Variants in TNIK observed in about 807,000 individuals in gnomAD.
TNIK encodes TRAF2 and NCK-interacting protein kinase.
Under a neutral mutation model 191.3 loss-of-function variants are expected in TNIK, and 49 were observed. The observed-to-expected ratio is 0.26, with a 90% CI of 0.20 to 0.32. TNIK has a LOEUF of 0.32. Ranked by LOEUF, TNIK falls within the 10% of genes least tolerant of loss-of-function variation. The probability of loss-of-function intolerance (pLI) is 1.00; values close to 1 mark genes in which losing one functional copy is unlikely to be tolerated. For missense variants in TNIK, 1,155 were observed against 1,702.3 expected (o/e 0.68, Z 5.66); for synonymous variants, 594 against 600.9 (o/e 0.99, Z 0.17).
At chr3:171,237,322 T>G (rs1744394157) in intron 2 of TNIK, among the ~76,000 whole-genome samples, 2 of 151,998 alleles carry the variant, frequency 1.3e-5, no homozygotes, top group East Asian at 3.9e-4. Flanking sequence ...GCCCACCAAA[T>G]CTAAAGTAAT....
intron 2 of TNIK, among the ~76,000 whole-genome samples, chr3:171,356,028 T>G (rs1413685473): frequency 6.6e-6 from 1 of 152,038 alleles, no homozygotes; most frequent in Non-Finnish European, 1.5e-5. Context: ...AAAGTACAAA[T>G]TATACACCTG....
At chr3:171,203,499 TG>T (rs1739672760) in intron 4 of TNIK, among the ~76,000 whole-genome samples, 1 of 152,232 alleles carries the variant, frequency 6.6e-6, no homozygotes, top group Admixed American at 6.5e-5. Flanking sequence ...TGCTACTATT[TG>T]AAATTTCAGG....
intron 1 of TNIK, among the ~76,000 whole-genome samples, chr3:171,397,182 A>G (rs1414695864): frequency 6.6e-6 from 1 of 152,172 alleles, no homozygotes. Flanking sequence ...GCCAGTCTCT[A>G]AAGCCTTTGA....
chr3:171,108,762 G>T (rs1048952142), intron 19 of TNIK, among the ~76,000 whole-genome samples: 6 of 152,146 alleles, frequency 3.9e-5, no homozygotes, highest in African/African-American at 1.4e-4. Flanking sequence ...GATGGGAGTG[G>T]TCTCAGCCCT....
chr3:171,378,750 C>T lies in TNIK; in HGVS notation c.58-9065G>A, dbSNP rs140872499. On this transcript the variant is annotated intron_variant, in intron 1 of 32. Transcript: ENST00000436636. ...AGATCATATCAATAAAATATCTCTACCCATTTTACAGAAGAGCAAAGAGAG... is the reference window on the plus strand; with the variant it reads ...AGATCATATCAATAAAATATCTCTATCCATTTTACAGAAGAGCAAAGAGAG... Among the ~76,000 whole-genome samples the T allele has an allele frequency of 6.4e-3, 980 of 152,246 alleles. 12 individuals carry two copies. Among genetic ancestry groups the T allele is most frequent in the African/African-American group, 0.021 (852 of 41,542 alleles).
Position 171,105,620 on chromosome 3 carries a change from C to T in TNIK, c.2406+1563G>A, listed in dbSNP as rs753723081. On this transcript the variant is annotated intron_variant, in intron 21 of 32. Transcript: ENST00000436636. ...ACACCCCCTCAATTATTTGTAATTA[C>T]GTATACCTCCATTGCCCCCTCTCAT... Among the ~76,000 whole-genome samples, 183 of 152,220 alleles carry T rather than the reference C, an allele frequency of 1.2e-3. 2 individuals are homozygous for T. The highest frequency in any genetic ancestry group is 1.9e-3 in the Non-Finnish European group (128 of 68,014).
intron 1 of TNIK, among the ~76,000 whole-genome samples, chr3:171,370,018 A>T (rs1716278895): frequency 6.6e-6 from 1 of 152,232 alleles, no homozygotes; most frequent in African/African-American, 2.4e-5. Context: ...CTACAGCAAG[A>T]TAAAGTGAAA....
At chr3:171,106,242 C>G (rs1286511235) in intron 21 of TNIK, among the ~76,000 whole-genome samples, 1 of 152,192 alleles carries the variant, frequency 6.6e-6, no homozygotes, top group African/African-American at 2.4e-5. Context: ...AATGCTTTCA[C>G]ACACATTACC....
rs534603311 is a variant in TNIK, at chr3:171,126,806, C to T, written c.1774-655G>A. ...ATGCTGTCGTATTATCTCTTGACACCAGGATGTAACTTTTTGAGTTAAGTA... is the reference window on the plus strand; with the variant it reads ...ATGCTGTCGTATTATCTCTTGACACTAGGATGTAACTTTTTGAGTTAAGTA... On this transcript the variant is annotated intron_variant, in intron 16 of 32. Coordinates refer to ENST00000436636, the MANE Select transcript of TNIK (RefSeq NM_015028.4). Among the ~76,000 whole-genome samples, 14 of 152,308 alleles carry T rather than the reference C, an allele frequency of 9.2e-5. No homozygotes were observed. In the South Asian group the frequency reaches 2.5e-3, roughly 27 times the overall value.
chr3:171,442,326 G>A (rs1308308357), intron 1 of TNIK, among the ~76,000 whole-genome samples: 2 of 152,088 alleles, frequency 1.3e-5, no homozygotes, highest in Non-Finnish European at 2.9e-5. Flanking sequence ...GCCTCAAAGG[G>A]ACAGAGAACT....
chr3:171,232,900 G>GA (rs1743834352), intron 2 of TNIK, among the ~76,000 whole-genome samples: 1 of 152,180 alleles, frequency 6.6e-6, no homozygotes, highest in Non-Finnish European at 1.5e-5. Context: ...GAATGCAAGA[G>GA]AAAACAACAG....
At position 171,177,318 on chromosome 3, in the gene TNIK, G is replaced by C. The variant is rs1736090896; in HGVS notation, c.694+8C>G. On this transcript the variant is annotated splice_region_variant and intron_variant, in intron 8 of 32. Transcript: ENST00000436636. ...GCAACAGATTTCACCCCAGAGGAGG[G>C]TACTTACGGGGAGCACCTTCTGCCA... is the stretch of plus-strand genomic sequence containing the variant. The C allele has an allele frequency of 1.2e-6, 2 of 1,605,304 alleles. No individual in the cohort carries two copies. The highest frequency in any genetic ancestry group is 1.7e-6 in the Non-Finnish European group (2 of 1,175,928).
chr3:171,198,682 T>C (rs535999733), intron 4 of TNIK, among the ~76,000 whole-genome samples: 21 of 152,274 alleles, frequency 1.4e-4, no homozygotes, highest in African/African-American at 4.6e-4. Flanking sequence ...TTTGGGTGCA[T>C]AGGTGTTCAT....
At chr3:171,143,071 A>C (rs1731069294) in intron 12 of TNIK, among the ~76,000 whole-genome samples, 1 of 152,156 alleles carries the variant, frequency 6.6e-6, no homozygotes, top group South Asian at 2.1e-4. Context: ...AGTACTCTGT[A>C]GTTTCTGAGA....
chr3:171,320,998 C>T (rs750217607), intron 2 of TNIK, among the ~76,000 whole-genome samples: 3 of 152,130 alleles, frequency 2.0e-5, no homozygotes, highest in Admixed American at 6.6e-5. Context: ...AGCAGGGTGT[C>T]GGGTGGAAGA....
chr3:171,339,272 GCTCTA>G (rs1757282720), intron 2 of TNIK, among the ~76,000 whole-genome samples: 2 of 152,182 alleles, frequency 1.3e-5, no homozygotes, highest in South Asian at 4.1e-4. Context: ...GCACTTGTAG[GCTCTA>G]CTCTGAGACT....
chr3:171,310,825 C>T (rs1417702058), intron 2 of TNIK, among the ~76,000 whole-genome samples: 1 of 152,070 alleles, frequency 6.6e-6, no homozygotes, highest in African/African-American at 2.4e-5. Flanking sequence ...AAAAAACAAA[C>T]AAACAAACAA....
Position 171,139,017 on chromosome 3 carries a change from C to T in TNIK, c.1419+453G>A, listed in dbSNP as rs114577675. On this transcript the variant is annotated intron_variant, in intron 14 of 32. Coordinates refer to ENST00000436636, the MANE Select transcript of TNIK (RefSeq NM_015028.4). ...AGCAAGGGACACAAAATGTTCCCATCGTAAGGGTAAAGCTAATAGTCTGTA... is the reference window on the plus strand; with the variant it reads ...AGCAAGGGACACAAAATGTTCCCATTGTAAGGGTAAAGCTAATAGTCTGTA... Among the ~76,000 whole-genome samples the T allele has an allele frequency of 5.4e-3, 815 of 152,204 alleles. 9 individuals carry two copies. The highest frequency in any genetic ancestry group is 0.019 in the African/African-American group (786 of 41,534).
chr3:171,379,094 AT>A (rs1404534442), intron 1 of TNIK, among the ~76,000 whole-genome samples: 1 of 152,210 alleles, frequency 6.6e-6, no homozygotes, highest in Non-Finnish European at 1.5e-5. Context: ...ATGTAAGAAG[AT>A]TTAGTGCACA....
Sources: allele counts gnomAD v4.1 joint callset (sites outside exome capture counted in the v4.1 genomes callset), GRCh38; gene constraint gnomAD v4.1.1; transcripts MANE v1.5; gene names NCBI Gene and HGNC (gene_info 2026-07-23, HGNC 2026-07-21).